The following SPAG9 variants were observed in gnomAD, a reference collection of about 807,000 sequenced individuals.
The protein encoded by SPAG9 is sperm associated antigen 9.
In SPAG9, 35 loss-of-function variants were observed where a neutral mutation model predicts 166.5. The ratio of observed to expected loss-of-function variants is 0.21; its 90% CI spans 0.16 to 0.28. The LOEUF is 0.28. SPAG9 is among the 10% of genes least tolerant of loss of function. The pLI, the probability that SPAG9 is intolerant of heterozygous loss-of-function variation, is 1.00. For synonymous variants in SPAG9, 534 were observed against 565.5 expected (o/e 0.94, Z 0.79); for missense variants, 1,235 against 1,603.3 (o/e 0.77, Z 3.92).
At chr17:50,999,960 G>C (rs2044859203) in intron 13 of SPAG9, among the ~76,000 whole-genome samples, 1 of 152,102 alleles carries the variant, frequency 6.6e-6, no homozygotes, top group African/African-American at 2.4e-5. Context: ...ACCGACAGAG[G>C]ACTGTAATAT....
At chr17:51,056,127 T>C (rs1012184552) in intron 3 of SPAG9, among the ~76,000 whole-genome samples, 1 of 152,164 alleles carries the variant, frequency 6.6e-6, no homozygotes, top group African/African-American at 2.4e-5. Flanking sequence ...TATGTGCACA[T>C]AGGTTTTTGC....
chr17:51,001,245 A>G (rs967318956), intron 13 of SPAG9, among the ~76,000 whole-genome samples: 1 of 152,224 alleles, frequency 6.6e-6, no homozygotes, highest in African/African-American at 2.4e-5. Flanking sequence ...ATTAGATGGC[A>G]GCATTGGGTG....
At chr17:51,024,757 A>G (rs2046087330) in intron 6 of SPAG9, among the ~76,000 whole-genome samples, 1 of 152,032 alleles carries the variant, frequency 6.6e-6, no homozygotes, top group South Asian at 2.1e-4. Flanking sequence ...TATGCCTGTA[A>G]TCCCAGCTAC....
chr17:51,008,855 T>TAATGCTAAATTTGTA (rs2045337268), intron 9 of SPAG9, among the ~76,000 whole-genome samples: 1 of 152,194 alleles, frequency 6.6e-6, no homozygotes, highest in African/African-American at 2.4e-5. Flanking sequence ...TAAATTTTTA[T>TAATGCTAAATTTGTA]TCCTTTGTAG....
At position 50,982,283 on chromosome 17, in the gene SPAG9, T is replaced by C. The variant is rs564438683; in HGVS notation, c.3237+241A>G. Among the ~76,000 whole-genome samples, 192 of 152,294 alleles carry C rather than the reference T, an allele frequency of 1.3e-3. 3 individuals are homozygous for C. Among genetic ancestry groups the C allele is most frequent in the South Asian group, 3.5e-3 (17 of 4,828 alleles). ...TTCTGGATACATACACAGACACACATTTAAACATTCACGTATGAATCCTCT... is the reference window on the plus strand; with the variant it reads ...TTCTGGATACATACACAGACACACACTTAAACATTCACGTATGAATCCTCT... On this transcript the variant is annotated intron_variant, in intron 25 of 29. Coordinates refer to ENST00000262013, the MANE Select transcript of SPAG9 (RefSeq NM_001130528.3).
At chr17:51,008,380 A>G (rs1161109939) in intron 9 of SPAG9, among the ~76,000 whole-genome samples, 3 of 151,894 alleles carry the variant, frequency 2.0e-5, no homozygotes, top group East Asian at 3.8e-4. Flanking sequence ...TCAAAGCAAA[A>G]CAAAACAAAA....
chr17:50,984,851 A>C, intron 24 of SPAG9, 72 bp downstream of exon 24: 1 of 1,171,050 alleles, frequency 8.5e-7, no homozygotes, highest in South Asian at 1.2e-5. Flanking sequence ...TTTAAAACAT[A>C]AACCAATCTA....
intron 8 of SPAG9, among the ~76,000 whole-genome samples, chr17:51,018,793 C>T (rs1462618206): frequency 6.6e-6 from 1 of 152,162 alleles, no homozygotes; most frequent in Non-Finnish European, 1.5e-5. Context: ...TGCTCCATAG[C>T]CAACGGTGTG....
At chr17:50,991,722 C>G in intron 19 of SPAG9, among the ~76,000 whole-genome samples, 1 of 151,452 alleles carries the variant, frequency 6.6e-6, no homozygotes, top group Non-Finnish European at 1.5e-5. Context: ...CTCCCAGGTT[C>G]AAGCAATTCT....
intron 27 of SPAG9, chr17:50,976,048 A>G (rs1974183029): frequency 1.6e-6 from 1 of 631,522 alleles, no homozygotes; most frequent in Non-Finnish European, 2.9e-6. Flanking sequence ...CACTTGGCAT[A>G]ATACCAAGTA....
In SPAG9 at chr17:51,075,585, G is replaced by A. The variant is rs1405375908; in HGVS notation, c.424+3999C>T. 5.9e-5 allele frequency among the ~76,000 whole-genome samples: 9 copies of A among 152,134 alleles called. No homozygotes were observed. The East Asian group carries it at 1.7e-3, about 29-fold the overall frequency. On this transcript the variant is annotated intron_variant, in intron 2 of 29. Transcript: ENST00000262013. ...TACACCTGTAATCCCAGCATTTGGG[G>A]GGCCAAGGTGCAAGGATCACTTGAG...
intron 24 of SPAG9, 79 bp from the exon 25 acceptor site, chr17:50,982,751 G>A (rs1398830700): frequency 1.6e-6 from 2 of 1,265,724 alleles, no homozygotes; most frequent in African/African-American, 3.0e-5. Flanking sequence ...TTTATTTGTT[G>A]TATAATTAAA....
chr17:51,066,595 G>T (rs1014938451), intron 2 of SPAG9, among the ~76,000 whole-genome samples: 1 of 139,686 alleles, frequency 7.2e-6, no homozygotes, highest in Non-Finnish European at 1.6e-5. Flanking sequence ...CATGGCTCAC[G>T]CCTGTAATCC....
chr17:51,011,744 A>G (rs1211142656), intron 9 of SPAG9, among the ~76,000 whole-genome samples: 1 of 152,212 alleles, frequency 6.6e-6, no homozygotes, highest in Non-Finnish European at 1.5e-5. Flanking sequence ...ACTTACAGTA[A>G]TATATTAAAA....
intron 7 of SPAG9, 42 bp from the exon 8 acceptor site, chr17:51,020,300 A>G (rs1206921540): frequency 3.2e-6 from 4 of 1,263,872 alleles, no homozygotes; most frequent in Non-Finnish European, 4.6e-6. Flanking sequence ...CATATATTAC[A>G]CAGTACCCCA....
intron 2 of SPAG9, among the ~76,000 whole-genome samples, chr17:51,058,824 T>C (rs2047427173): frequency 2.6e-5 from 4 of 152,208 alleles, no homozygotes; most frequent in Non-Finnish European, 5.9e-5. Flanking sequence ...CTGTGGTGTA[T>C]GGTTTCATAC....
Position 51,079,692 on chromosome 17 carries a change from A to G in SPAG9, c.316T>C (p.Phe106Leu). Residue 106 changes from phenylalanine to leucine, a missense_variant, in exon 2 of 30, where the codon TTT becomes CTT. Phe to Leu is a conservative substitution (Grantham distance 22). Around this residue, in one of 6 missense-constraint regions of SPAG9, gnomAD observed 83 missense variants for 149.8 expected, o/e 0.55. Transcript: ENST00000262013. ...RKHAEEKFIE[F>L]EDSQEQEKKD... ...TTTTCCTGTTCTTGAGAGTCTTCAA[A>G]TTCAATGAATTTCTAATAAAGAAGA... 6.5e-7 allele frequency: 1 copy of G among 1,550,012 alleles called. No individual in the cohort carries two copies. Among genetic ancestry groups the G allele is most frequent in the South Asian group, 1.1e-5 (1 of 87,004 alleles).
At chr17:51,041,428 G>T in intron 5 of SPAG9, 73 bp downstream of exon 5, 1 of 1,404,558 alleles carries the variant, frequency 7.1e-7, no homozygotes, top group Non-Finnish European at 9.8e-7. Context: ...TACTGTGGTC[G>T]TCTAGCACTT....
intron 2 of SPAG9, among the ~76,000 whole-genome samples, chr17:51,059,580 C>A (rs953270923): frequency 1.3e-4 from 20 of 151,800 alleles, no homozygotes; most frequent in African/African-American, 4.8e-4. Context: ...GGTGAAACCC[C>A]ATCTCTACTA....
Sources: allele counts gnomAD v4.1 joint callset (sites outside exome capture counted in the v4.1 genomes callset), GRCh38; gene constraint gnomAD v4.1.1; regional missense constraint gnomAD v4.1.1; transcripts MANE v1.5; gene names NCBI Gene and HGNC (gene_info 2026-07-23, HGNC 2026-07-21).